CERS6: variants seen among roughly 807,000 people sequenced by gnomAD.
The protein encoded by CERS6 is LAG1 homolog, ceramide synthase 6.
CERS6 carries 26 observed loss-of-function variants against 56.8 expected under a neutral mutation model. The ratio of observed to expected loss-of-function variants is 0.46; its 90% CI spans 0.34 to 0.63. CERS6 has a LOEUF of 0.63. Among genes scored for constraint, CERS6 ranks in the 30% least tolerant of loss-of-function variants. CERS6 has a pLI of 0.01. For synonymous variants in CERS6, 164 were observed against 173.3 expected (o/e 0.95, Z 0.42); for missense variants, 415 against 467.5 (o/e 0.89, Z 1.04).
intron 1 of CERS6, among the ~76,000 whole-genome samples, chr2:168,531,474 C>CTCT (rs1343229285): frequency 6.6e-6 from 1 of 152,098 alleles, no homozygotes; most frequent in Non-Finnish European, 1.5e-5. Flanking sequence ...AGTTTTCTGG[C>CTCT]TCTTTCACAA....
chr2:168,479,052 G>A (rs974229182), intron 1 of CERS6, among the ~76,000 whole-genome samples: 7 of 152,258 alleles, frequency 4.6e-5, no homozygotes, highest in African/African-American at 1.2e-4. Flanking sequence ...CTGGCAAATA[G>A]TCCTAACATC....
chr2:168,757,639 T>C (rs1474353839), intron 8 of CERS6, among the ~76,000 whole-genome samples: 1 of 152,110 alleles, frequency 6.6e-6, no homozygotes, highest in African/African-American at 2.4e-5. Flanking sequence ...CCCAACACTT[T>C]AGGAGGCCAA....
intron 4 of CERS6, among the ~76,000 whole-genome samples, chr2:168,656,650 T>C (rs532861912): frequency 6.6e-6 from 1 of 152,250 alleles, no homozygotes; most frequent in East Asian, 1.9e-4. Flanking sequence ...GTGTCACAGC[T>C]CATAAAAGCA....
rs142299707 is a variant in CERS6, at chr2:168,647,036, A to T, written c.465+15994A>T. On this transcript the variant is annotated intron_variant, in intron 4 of 9. Coordinates refer to ENST00000305747, the MANE Select transcript of CERS6 (RefSeq NM_203463.3). ...TCAGGCTCTTTTTTGGTTTCATATG[A>T]ATTTTAAAATAGCTTTTTCTAGTTC... 4.3e-3 allele frequency among the ~76,000 whole-genome samples: 660 copies of T among 152,284 alleles called. 4 individuals are homozygous for T. Among genetic ancestry groups the T allele is most frequent in the African/African-American group, 0.015 (621 of 41,562 alleles).
intron 6 of CERS6, among the ~76,000 whole-genome samples, chr2:168,697,201 A>G (rs1445966080): frequency 6.6e-6 from 1 of 152,170 alleles, no homozygotes; most frequent in East Asian, 1.9e-4. Context: ...AATATGGTAT[A>G]TATCAGCTGA....
intron 4 of CERS6, among the ~76,000 whole-genome samples, chr2:168,647,153 C>A (rs1685223791): frequency 6.6e-6 from 1 of 152,178 alleles, no homozygotes; most frequent in Non-Finnish European, 1.5e-5. Flanking sequence ...ATTGATTCTT[C>A]CTATCCATGA....
In CERS6 at chr2:168,769,837, A is replaced by G; in HGVS notation, c.*175A>G. ...TCCTGTCTGTGAATGAAGAAGAATTACCATTCTCTCTTTGTAGGCATGCTG... is the reference window on the plus strand; with the variant it reads ...TCCTGTCTGTGAATGAAGAAGAATTGCCATTCTCTCTTTGTAGGCATGCTG... On this transcript the variant is annotated 3_prime_UTR_variant, in exon 10 of 10. Transcript: ENST00000305747. The G allele has an allele frequency of 3.2e-6, 2 of 623,302 alleles. No homozygotes were observed. The highest frequency in any genetic ancestry group is 5.5e-6 in the Non-Finnish European group (2 of 365,512). The allele number at this position is 623,302 out of a possible 1,614,324, so 38.6% of individuals were successfully genotyped here. A position where few individuals can be genotyped will look rare whatever the true frequency, so the allele number is the denominator to read the frequency against.
In CERS6 at chr2:168,773,814, A is replaced by C. The variant is rs1409687540; in HGVS notation, c.*4152A>C. 6.6e-6 allele frequency: 1 copy of C among 152,170 alleles called. No individual in the cohort carries two copies. Among genetic ancestry groups the C allele is most frequent in the Non-Finnish European group, 1.5e-5 (1 of 68,050 alleles). The allele number at this position is 152,170 out of a possible 1,614,324, so 9.4% of individuals were successfully genotyped here. On this transcript the variant is annotated 3_prime_UTR_variant, in exon 10 of 10. Transcript: ENST00000305747. ...CACTGGCCACATTTTAGTTCTTCAT[A>C]ATAATAGGCCACAAAAGGGCTCTGT...
intron 6 of CERS6, among the ~76,000 whole-genome samples, chr2:168,707,658 G>T (rs541571260): frequency 4.7e-4 from 72 of 152,268 alleles, no homozygotes; most frequent in African/African-American, 1.7e-3. Flanking sequence ...GTGGGAGATT[G>T]TACATACATT....
Position 168,710,825 on chromosome 2 carries a change from A to G in CERS6, c.610-4176A>G, listed in dbSNP as rs13426164. Among the ~76,000 whole-genome samples, 1,122 of 152,360 alleles carry G rather than the reference A, an allele frequency of 7.4e-3. 12 individuals carry two copies. The highest frequency in any genetic ancestry group is 0.026 in the African/African-American group (1,081 of 41,586). ...CACTTATTAAACTCAGAGTATGGTC[A>G]TCATTTCTCTTCTGCCAGTGAGCTG... is the stretch of plus-strand genomic sequence containing the variant. On this transcript the variant is annotated intron_variant, in intron 6 of 9. Coordinates refer to ENST00000305747, the MANE Select transcript of CERS6 (RefSeq NM_203463.3).
intron 8 of CERS6, among the ~76,000 whole-genome samples, chr2:168,746,957 G>C (rs1254622122): frequency 2.0e-5 from 3 of 151,344 alleles, no homozygotes; most frequent in Non-Finnish European, 4.4e-5. Flanking sequence ...GGAATCAGAA[G>C]TACCTAGTGT....
At chr2:168,555,722 C>CTGTGTGTGTGTGTGTGTGTGTGTG (rs58781728) in intron 2 of CERS6, among the ~76,000 whole-genome samples, 2 of 140,920 alleles carry the variant, frequency 1.4e-5, no homozygotes, top group African/African-American at 2.8e-5. Flanking sequence ...ATAATTGACT[C>CTGTGTGTGTGTGTGTGTGTGTGTG]TGTGTGTGTG....
chr2:168,477,355 A>G (rs1694098592), intron 1 of CERS6, among the ~76,000 whole-genome samples: 1 of 152,208 alleles, frequency 6.6e-6, no homozygotes, highest in Admixed American at 6.5e-5. Flanking sequence ...CATTCAGTCC[A>G]TAGCCATGTG....
rs959851382 is a variant in CERS6 at position 168,517,542 on chromosome 2, T to TA, written c.171-30045dup. Among the ~76,000 whole-genome samples the TA allele has an allele frequency of 6.7e-5, 10 of 149,342 alleles. No individual in the cohort carries two copies. The South Asian group carries it at 8.5e-4, about 13-fold the overall frequency. On this transcript the variant is annotated intron_variant, in intron 1 of 9. Coordinates refer to ENST00000305747, the MANE Select transcript of CERS6 (RefSeq NM_203463.3). ...ATAAATAATAAAATAAAATAAACAT[T>TA]AAAAAAAAAGTAAAAACAAGTGGAT...
At chr2:168,603,577 A>G (rs138516934) in intron 3 of CERS6, among the ~76,000 whole-genome samples, 44 of 152,310 alleles carry the variant, frequency 2.9e-4, no homozygotes, top group African/African-American at 9.4e-4. Context: ...TTTATTGTGC[A>G]TTGGCTGTAG....
chr2:168,523,632 A>G (rs142665677), intron 1 of CERS6, among the ~76,000 whole-genome samples: 10 of 152,206 alleles, frequency 6.6e-5, no homozygotes, highest in East Asian at 1.9e-4. Context: ...CCAAATGACT[A>G]TAGTGATCTG....
chr2:168,597,920 G>T (rs1042879489), intron 3 of CERS6, among the ~76,000 whole-genome samples: 3 of 152,156 alleles, frequency 2.0e-5, no homozygotes, highest in Non-Finnish European at 4.4e-5. Context: ...ATCCATGTAA[G>T]AAGTTATTTC....
intron 4 of CERS6, among the ~76,000 whole-genome samples, chr2:168,681,618 A>G (rs1029096833): frequency 6.6e-6 from 1 of 152,182 alleles, no homozygotes; most frequent in Non-Finnish European, 1.5e-5. Context: ...CACCTCAGAC[A>G]TGTATTATTT....
At chr2:168,674,781 T>A (rs1686012206) in intron 4 of CERS6, among the ~76,000 whole-genome samples, 1 of 152,190 alleles carries the variant, frequency 6.6e-6, no homozygotes, top group East Asian at 1.9e-4. Flanking sequence ...TTTTTTCTTT[T>A]CTTGATTTGC....
Sources: allele counts gnomAD v4.1 joint callset (sites outside exome capture counted in the v4.1 genomes callset), GRCh38; gene constraint gnomAD v4.1.1; transcripts MANE v1.5; gene names NCBI Gene and HGNC (gene_info 2026-07-23, HGNC 2026-07-21).